CHMP4C: variants seen among roughly 807,000 people sequenced by gnomAD.
CHMP4C encodes the protein SNF7 homolog associated with Alix 3.
A neutral mutation model predicts 29.0 loss-of-function variants in CHMP4C; 28 were observed. The ratio of observed to expected loss-of-function variants is 0.97; its 90% CI spans 0.72 to 1.32. The LOEUF is 1.32. Ranked by LOEUF, CHMP4C falls within the 40% of genes most tolerant of loss-of-function variation. The pLI is 0.00. For missense variants in CHMP4C, 291 were observed against 281.0 expected (o/e 1.04, Z -0.25); for synonymous variants, 106 against 102.4 (o/e 1.04, Z -0.21).
chr8:81,737,696 C>A (rs889067840), intron 1 of CHMP4C, among the ~76,000 whole-genome samples: 4 of 152,306 alleles, frequency 2.6e-5, no homozygotes, highest in African/African-American at 9.6e-5. Context: ...AATAATTTGA[C>A]TTGTCTAATC....
chr8:81,738,288 A>T (rs73694774), intron 1 of CHMP4C, among the ~76,000 whole-genome samples: 2,477 of 152,218 alleles, frequency 0.016, 70 homozygotes, highest in African/African-American at 0.055. Context: ...CAAAACCCCT[A>T]CTCAATATCA....
At chr8:81,756,746 G>A (rs1680084596) in intron 3 of CHMP4C, among the ~76,000 whole-genome samples, 1 of 152,126 alleles carries the variant, frequency 6.6e-6, no homozygotes, top group Non-Finnish European at 1.5e-5. Context: ...TGTTGATAAC[G>A]ATGATGCACT....
At chr8:81,733,522 G>A (rs1808646002) in intron 1 of CHMP4C, among the ~76,000 whole-genome samples, 1 of 149,412 alleles carries the variant, frequency 6.7e-6, no homozygotes, top group African/African-American at 2.5e-5. Context: ...GGCAGTTGAA[G>A]TCTTAAAAAA....
chr8:81,735,282 T>G (rs1156806121), intron 1 of CHMP4C, among the ~76,000 whole-genome samples: 3 of 152,188 alleles, frequency 2.0e-5, no homozygotes, highest in Non-Finnish European at 2.9e-5. Context: ...CTAGAGTGAC[T>G]CTGGGAGTAA....
intron 1 of CHMP4C, among the ~76,000 whole-genome samples, chr8:81,750,343 CA>C (rs1473091896): frequency 1.3e-5 from 2 of 151,584 alleles, no homozygotes; most frequent in Admixed American, 1.3e-4. Context: ...CTCACACCGG[CA>C]ATCTCAGTAC....
intron 3 of CHMP4C, among the ~76,000 whole-genome samples, chr8:81,757,409 G>C (rs1288223502): frequency 1.3e-5 from 2 of 152,190 alleles, no homozygotes; most frequent in Non-Finnish European, 2.9e-5. Context: ...TTCTCTCTGA[G>C]AGGGGTTGGA....
intron 1 of CHMP4C, among the ~76,000 whole-genome samples, chr8:81,740,770 TA>T (rs1360853324): frequency 6.6e-6 from 1 of 152,226 alleles, no homozygotes; most frequent in Non-Finnish European, 1.5e-5. Context: ...GATAGCGTGT[TA>T]CCTTCATCAG....
chr8:81,732,593 C>T lies in CHMP4C; in HGVS notation c.-34C>T, dbSNP rs748956090. 1.5e-5 allele frequency: 22 copies of T among 1,501,522 alleles called. 2 individuals are homozygous for T. In the South Asian group the frequency reaches 2.4e-4, roughly 16 times the overall value. 93.0% of individuals were successfully genotyped at this position (1,501,522 alleles called of 1,614,324 possible). ...CGGCCCCGGGGAGCTCCCGAGAGGCCCCCGGGATCGCTGGCCCTCCGAACT... is the reference window on the plus strand; with the variant it reads ...CGGCCCCGGGGAGCTCCCGAGAGGCTCCCGGGATCGCTGGCCCTCCGAACT... On this transcript the variant is annotated 5_prime_UTR_variant, in exon 1 of 5. Coordinates refer to ENST00000297265, the MANE Select transcript of CHMP4C (RefSeq NM_152284.4).
In CHMP4C at chr8:81,742,310, C is replaced by T. The variant is rs559708976; in HGVS notation, c.190+9494C>T. Among the ~76,000 whole-genome samples the T allele has an allele frequency of 7.9e-5, 12 of 152,158 alleles. 1 individual carries two copies. Among genetic ancestry groups the T allele is most frequent in the East Asian group, 3.9e-4 (2 of 5,188 alleles). On this transcript the variant is annotated intron_variant, in intron 1 of 4. Coordinates refer to ENST00000297265, the MANE Select transcript of CHMP4C (RefSeq NM_152284.4). ...AACAAGCCCCAAAAAAGCAAGCAAA[C>T]GAGAATGGTAATTTTAAAATTACAG...
intron 3 of CHMP4C, 45 bp downstream of exon 3, chr8:81,755,529 A>C (rs1331439071): frequency 8.7e-7 from 1 of 1,148,288 alleles, no homozygotes; most frequent in South Asian, 1.3e-5. Flanking sequence ...GCTGCTATAA[A>C]GAGTAGCTTC....
At chr8:81,741,996 T>C (rs1457486102) in intron 1 of CHMP4C, among the ~76,000 whole-genome samples, 2 of 152,230 alleles carry the variant, frequency 1.3e-5, no homozygotes, top group African/African-American at 4.8e-5. Flanking sequence ...ACATTTTGAT[T>C]CTTTACTTCA....
chr8:81,739,166 G>A (rs895308875), intron 1 of CHMP4C, among the ~76,000 whole-genome samples: 3 of 144,350 alleles, frequency 2.1e-5, no homozygotes, highest in African/African-American at 5.2e-5. Context: ...GCCTGATCTC[G>A]GCTCACTGCA....
chr8:81,732,972 T>C, intron 1 of CHMP4C, 156 bp downstream of exon 1: 1 of 621,942 alleles, frequency 1.6e-6, no homozygotes, highest in Non-Finnish European at 2.7e-6. Flanking sequence ...CTGACTAGGG[T>C]GAGTTGAGCT....
chr8:81,739,179 C>T (rs2130476117), intron 1 of CHMP4C, among the ~76,000 whole-genome samples: 1 of 148,296 alleles, frequency 6.7e-6, no homozygotes, highest in East Asian at 2.0e-4. Context: ...TCACTGCAAC[C>T]TCTGCCTCCC....
At position 81,734,898 on chromosome 8, in the gene CHMP4C, GT is replaced by G. The variant is rs397941142; in HGVS notation, c.190+2095del. Among the ~76,000 whole-genome samples, 967 of 145,136 alleles carry G rather than the reference GT, an allele frequency of 6.7e-3. 13 individuals carry two copies. The highest frequency in any genetic ancestry group is 0.022 in the African/African-American group (871 of 39,874). Reference sequence around the variant, plus strand: ...AGATGCAAGTATGAATGGCAAATAAGTTTTTTTTTTTTTGAGACAGGATCTT... The same window carrying G: ...AGATGCAAGTATGAATGGCAAATAAGTTTTTTTTTTTTGAGACAGGATCTT... On this transcript the variant is annotated intron_variant, in intron 1 of 4. Transcript: ENST00000297265.
intron 1 of CHMP4C, among the ~76,000 whole-genome samples, chr8:81,741,802 C>G (rs1808765481): frequency 6.6e-6 from 1 of 152,092 alleles, no homozygotes; most frequent in Non-Finnish European, 1.5e-5. Context: ...CTTTTCATGC[C>G]TACTGGTAAT....
chr8:81,737,890 C>A (rs1335472414), intron 1 of CHMP4C, among the ~76,000 whole-genome samples: 2 of 152,200 alleles, frequency 1.3e-5, no homozygotes, highest in African/African-American at 4.8e-5. Context: ...TTCTGGAATA[C>A]CACCAAATAA....
intron 1 of CHMP4C, among the ~76,000 whole-genome samples, chr8:81,734,182 G>A (rs997767875): frequency 2.0e-5 from 3 of 152,156 alleles, no homozygotes; most frequent in Non-Finnish European, 4.4e-5. Context: ...TAAAAATGTT[G>A]TTGGTCATTT....
chr8:81,755,527 A>G, intron 3 of CHMP4C, 43 bp downstream of exon 3: 1 of 1,155,518 alleles, frequency 8.7e-7, no homozygotes, highest in South Asian at 1.3e-5. Context: ...TGGCTGCTAT[A>G]AAGAGTAGCT....
Sources: allele counts gnomAD v4.1 joint callset (sites outside exome capture counted in the v4.1 genomes callset), GRCh38; gene constraint gnomAD v4.1.1; transcripts MANE v1.5; gene names NCBI Gene and HGNC (gene_info 2026-07-23, HGNC 2026-07-21).